MBNL1: variants seen among roughly 807,000 people sequenced by gnomAD.
MBNL1 encodes muscleblind like splicing regulator 1.
Under a neutral mutation model 42.2 loss-of-function variants are expected in MBNL1, and 8 were observed. The ratio of observed to expected loss-of-function variants is 0.19; its 90% confidence interval spans 0.11 to 0.34. MBNL1 has a LOEUF of 0.34. MBNL1 is among the 10% of genes least tolerant of loss of function. The pLI, the probability that MBNL1 is intolerant of heterozygous loss-of-function variation, is 1.00. For synonymous variants in MBNL1, 169 were observed against 173.9 expected (o/e 0.97, Z 0.22); for missense variants, 309 against 495.3 (o/e 0.62, Z 3.57).
At chr3:152,275,244 A>ACCCAC (rs1260235555) in intron 1 of MBNL1, among the ~76,000 whole-genome samples, 24 of 152,276 alleles carry the variant, frequency 1.6e-4, no homozygotes, top group African/African-American at 5.3e-4. Flanking sequence ...TTCTGTGGGT[A>ACCCAC]AGAAATGGAT....
At chr3:152,351,941 C>A (rs1242313134) in intron 2 of MBNL1, among the ~76,000 whole-genome samples, 1 of 152,174 alleles carries the variant, frequency 6.6e-6, no homozygotes, top group African/African-American at 2.4e-5. Flanking sequence ...TAAGCATATA[C>A]TTGGTCTCTA....
chr3:152,460,594 C>T lies in MBNL1; in HGVS notation c.*18+1249C>T, dbSNP rs373208923. Among the ~76,000 whole-genome samples the T allele has an allele frequency of 1.3e-4, 19 of 150,476 alleles. No individual in the cohort carries two copies. The East Asian group carries it at 2.9e-3, about 23-fold the overall frequency. ...CTAACCTGCACAATGTGCACATGTA[C>T]CCTAAAACTTAAAGTATAAAAAAAA... On this transcript the variant is annotated intron_variant, in intron 9 of 9. Coordinates refer to ENST00000324210, the MANE Select transcript of MBNL1 (RefSeq NM_021038.5).
intron 2 of MBNL1, among the ~76,000 whole-genome samples, chr3:152,384,258 G>C (rs987597771): frequency 6.6e-5 from 10 of 152,050 alleles, no homozygotes; most frequent in African/African-American, 2.4e-4. Context: ...ATAACGATTG[G>C]AGTAGCCACC....
intron 9 of MBNL1, among the ~76,000 whole-genome samples, chr3:152,460,890 AT>A (rs1744580826): frequency 1.3e-5 from 2 of 152,144 alleles, no homozygotes; most frequent in Admixed American, 1.3e-4. Context: ...TGGCAAGGAG[AT>A]AAAGGTAAAT....
At chr3:152,295,006 C>T (rs1349881144) in intron 1 of MBNL1, among the ~76,000 whole-genome samples, 1 of 152,156 alleles carries the variant, frequency 6.6e-6, no homozygotes, top group Non-Finnish European at 1.5e-5. Flanking sequence ...ACCCACAGTG[C>T]CCTATATCAA....
intron 1 of MBNL1, among the ~76,000 whole-genome samples, chr3:152,285,304 C>A (rs151249745): frequency 2.6e-5 from 4 of 152,128 alleles, no homozygotes; most frequent in Non-Finnish European, 4.4e-5. Context: ...TAGCATGTAT[C>A]GTGTATCGTG....
At position 152,246,351 on chromosome 3, in the gene MBNL1, TTTG is replaced by T. The variant is rs555710335; in HGVS notation, n.333+1931_333+1933del. Among the ~76,000 whole-genome samples, 38 of 151,662 alleles carry T rather than the reference TTTG, an allele frequency of 2.5e-4. 1 individual carries two copies. In the South Asian group the frequency reaches 5.4e-3, roughly 22 times the overall value. Reference sequence around the variant, plus strand: ...GATACTATCTTTCTGGCAAGACAGATTTGTTGTTGTTGTTGTTGTTGTCAATAA... The same window carrying T: ...GATACTATCTTTCTGGCAAGACAGATTTGTTGTTGTTGTTGTTGTCAATAA... On this transcript the variant is annotated intron_variant and non_coding_transcript_variant, in intron 2 of 2. Coordinates refer to the MBNL1 transcript ENST00000477171.
intron 2 of MBNL1, among the ~76,000 whole-genome samples, chr3:152,305,799 T>C (rs180981918): frequency 8.5e-5 from 13 of 152,350 alleles, no homozygotes; most frequent in African/African-American, 3.1e-4. Context: ...TGCTAATTGC[T>C]CACTTATACT....
At chr3:152,423,205 TAAGAG>T (rs1275584395) in intron 3 of MBNL1, among the ~76,000 whole-genome samples, 5 of 150,940 alleles carry the variant, frequency 3.3e-5, no homozygotes, top group Non-Finnish European at 7.4e-5. Flanking sequence ...GCCAGACTAA[TAAGAG>T]AAGAATCAAA....
chr3:152,335,156 T>C (rs1413347171), intron 2 of MBNL1: 2 of 1,289,566 alleles, frequency 1.6e-6, no homozygotes, highest in Non-Finnish European at 2.0e-6. Context: ...CTGGATCCTT[T>C]TCATGGCACC....
At chr3:152,321,355 T>G (rs1234670001) in intron 2 of MBNL1, among the ~76,000 whole-genome samples, 1 of 152,162 alleles carries the variant, frequency 6.6e-6, no homozygotes, top group Non-Finnish European at 1.5e-5. Flanking sequence ...CTGGCCTTCT[T>G]CAGGGAACTT....
At chr3:152,353,623 A>T (rs371419452) in intron 2 of MBNL1, among the ~76,000 whole-genome samples, 2 of 151,244 alleles carry the variant, frequency 1.3e-5, no homozygotes. Context: ...AGCCCTTGTC[A>T]TATCTTAGGC....
At chr3:152,428,163 G>C (rs1001363118) in intron 3 of MBNL1, among the ~76,000 whole-genome samples, 13 of 152,138 alleles carry the variant, frequency 8.5e-5, no homozygotes, top group Non-Finnish European at 1.8e-4. Flanking sequence ...TCACATTCAA[G>C]TATATATTCT....
At chr3:152,403,633 A>T (rs2098325180) in intron 2 of MBNL1, among the ~76,000 whole-genome samples, 2 of 152,132 alleles carry the variant, frequency 1.3e-5, no homozygotes, top group African/African-American at 4.8e-5. Flanking sequence ...TGCCCTAGAA[A>T]ACCAGTGGAA....
At chr3:152,461,238 A>G (rs1214291419) in intron 9 of MBNL1, among the ~76,000 whole-genome samples, 1 of 152,250 alleles carries the variant, frequency 6.6e-6, no homozygotes, top group Non-Finnish European at 1.5e-5. Flanking sequence ...TGAGAGGCTC[A>G]ACTGGAGAAG....
intron 2 of MBNL1, among the ~76,000 whole-genome samples, chr3:152,311,474 C>CCTGGTTT (rs2066432096): frequency 6.6e-6 from 1 of 152,164 alleles, no homozygotes; most frequent in Non-Finnish European, 1.5e-5. Flanking sequence ...AAACCATTCA[C>CCTGGTTT]CACCTCTTTG....
At chr3:152,365,846 A>C (rs1017116725) in intron 2 of MBNL1, among the ~76,000 whole-genome samples, 2 of 152,208 alleles carry the variant, frequency 1.3e-5, no homozygotes, top group Non-Finnish European at 1.5e-5. Flanking sequence ...ATATTTTATT[A>C]GCATAAAAGA....
At chr3:152,251,626 C>T (rs763523774) in intron 2 of MBNL1, among the ~76,000 whole-genome samples, 5 of 151,852 alleles carry the variant, frequency 3.3e-5, no homozygotes, top group Non-Finnish European at 4.4e-5. Flanking sequence ...AAGTGCTCCT[C>T]ATTGTTTATT....
At chr3:152,425,555 C>G (rs994605839) in intron 3 of MBNL1, among the ~76,000 whole-genome samples, 1 of 151,694 alleles carries the variant, frequency 6.6e-6, no homozygotes, top group African/African-American at 2.4e-5. Context: ...TTGCAGTGAC[C>G]CGAGATCACG....
Sources: gnomAD v4.1 joint callset for allele counts (sites outside exome capture counted in the v4.1 genomes callset) on GRCh38, gnomAD v4.1.1 for gene constraint, MANE v1.5 for transcripts, NCBI Gene and HGNC (gene_info 2026-07-23, HGNC 2026-07-21) for gene names.